ACTR3C: variants seen among roughly 807,000 people sequenced by gnomAD.
The protein encoded by ACTR3C is actin related protein 3C.
Under a neutral mutation model 26.3 loss-of-function variants are expected in ACTR3C, and 18 were observed. That is an observed-to-expected ratio of 0.68 (90% CI 0.47 to 1.01). ACTR3C has a LOEUF of 1.01. ACTR3C is among the 50% of genes least tolerant of loss of function. The probability of loss-of-function intolerance (pLI) is 0.00; values close to 1 mark genes in which losing one functional copy is unlikely to be tolerated. For missense variants in ACTR3C, 184 were observed against 250.7 expected (o/e 0.73, Z 1.80); for synonymous variants, 55 against 94.5 (o/e 0.58, Z 2.42).
rs555140982 is a variant in ACTR3C, at chr7:150,314,079, G to T, written c.-52+9390C>A. Among the ~76,000 whole-genome samples the T allele has an allele frequency of 7.2e-5, 11 of 152,292 alleles. No homozygotes were observed. In the South Asian group the frequency reaches 1.7e-3, roughly 23 times the overall value. ...GCTTCTGCATCTAGTCTAGTCCCCA[G>T]GTCACTCATGCTAAGCTGTGGTGGT... On this transcript the variant is annotated intron_variant, in intron 1 of 7. Transcript: ENST00000683684.
At chr7:150,239,532 C>CTATA (rs1339201217), downstream of ACTR3C, among the ~76,000 whole-genome samples, 132 of 121,142 alleles carry the variant, frequency 1.1e-3, 2 homozygotes, top group Middle Eastern at 3.9e-3. Flanking sequence ...CTCTCTCTCT[C>CTATA]TCTCTCTCTA....
the ACTR3C span, among the ~76,000 whole-genome samples, chr7:149,937,699 G>A: frequency 6.6e-6 from 1 of 152,174 alleles, no homozygotes; most frequent in Non-Finnish European, 1.5e-5. Context: ...GAGGCCAAGA[G>A]AGGTGTCAGG....
chr7:150,152,308 C>T, the ACTR3C span, among the ~76,000 whole-genome samples: 5,563 of 151,952 alleles, frequency 0.037, 265 homozygotes, highest in East Asian at 0.19. Context: ...TTTTGAGATA[C>T]GTCCCATCAA....
the ACTR3C span, among the ~76,000 whole-genome samples, chr7:149,934,880 ACCT>A: frequency 4.9e-5 from 3 of 61,434 alleles, no homozygotes; most frequent in Non-Finnish European, 9.9e-5. Context: ...ATTAAATAAA[ACCT>A]TCTTTAGAAT....
At chr7:149,991,389 G>T in the ACTR3C span, among the ~76,000 whole-genome samples, 4 of 152,178 alleles carry the variant, frequency 2.6e-5, no homozygotes, top group African/African-American at 7.2e-5. Flanking sequence ...ACCTCAAACT[G>T]GGCTGTGGTG....
At chr7:150,232,831 T>A in the ACTR3C span, among the ~76,000 whole-genome samples, 2 of 151,130 alleles carry the variant, frequency 1.3e-5, no homozygotes, top group African/African-American at 4.9e-5. Context: ...TCAAAAAAAA[T>A]ATAAAAATAA....
the ACTR3C span, among the ~76,000 whole-genome samples, chr7:150,174,358 C>T: frequency 7.2e-6 from 1 of 138,148 alleles, no homozygotes; most frequent in African/African-American, 3.4e-5. Flanking sequence ...CCCATCAGAT[C>T]TTGTGAGACT....
the ACTR3C span, among the ~76,000 whole-genome samples, chr7:149,928,767 C>A: frequency 6.6e-6 from 1 of 151,246 alleles, no homozygotes; most frequent in South Asian, 2.1e-4. Context: ...CGCTTGAACC[C>A]GGGAGGCAGA....
the ACTR3C span, among the ~76,000 whole-genome samples, chr7:149,962,579 C>G: frequency 6.6e-6 from 1 of 152,062 alleles, no homozygotes; most frequent in Non-Finnish European, 1.5e-5. Context: ...GGCTGATGCT[C>G]TCCCGACTCC....
At chr7:149,883,918 T>C in the ACTR3C span, among the ~76,000 whole-genome samples, 44,006 of 151,982 alleles carry the variant, frequency 0.29, 6,425 homozygotes, top group Non-Finnish European at 0.31. Flanking sequence ...CTTCCCGAAC[T>C]GTTTCGTACC....
the ACTR3C span, among the ~76,000 whole-genome samples, chr7:149,983,723 C>G: frequency 6.6e-6 from 1 of 151,844 alleles, no homozygotes; most frequent in Non-Finnish European, 1.5e-5. Context: ...TGGAAACCAT[C>G]TAAATGCTCA....
the ACTR3C span, among the ~76,000 whole-genome samples, chr7:149,898,554 A>C: frequency 6.6e-6 from 1 of 151,954 alleles, no homozygotes; most frequent in Admixed American, 6.6e-5. Flanking sequence ...AAATACAAAA[A>C]TTAGCTGGGC....
the ACTR3C span, among the ~76,000 whole-genome samples, chr7:150,209,401 C>T: frequency 6.6e-6 from 1 of 151,200 alleles, no homozygotes; most frequent in East Asian, 1.9e-4. Flanking sequence ...AAAGGATAAA[C>T]TCATAGATAC....
chr7:150,185,941 A>T, the ACTR3C span, among the ~76,000 whole-genome samples: 1 of 152,192 alleles, frequency 6.6e-6, no homozygotes, highest in Non-Finnish European at 1.5e-5. Flanking sequence ...TGCTCTGCAT[A>T]ACAACTTCCC....
intron 1 of ACTR3C, among the ~76,000 whole-genome samples, chr7:150,302,568 T>C (rs1795510592): frequency 6.6e-6 from 1 of 151,878 alleles, no homozygotes; most frequent in Admixed American, 6.6e-5. Flanking sequence ...AGGAGTATAA[T>C]ATTGGGTGTA....
At chr7:150,130,949 G>A in the ACTR3C span, among the ~76,000 whole-genome samples, 2 of 152,328 alleles carry the variant, frequency 1.3e-5, no homozygotes, top group East Asian at 3.9e-4. Context: ...GTGTTAGAAA[G>A]CAGAGCACTG....
At chr7:149,961,569 C>T in the ACTR3C span, among the ~76,000 whole-genome samples, 1 of 151,516 alleles carries the variant, frequency 6.6e-6, no homozygotes, top group Non-Finnish European at 1.5e-5. Context: ...TATGGGCTTA[C>T]AGGAAGTGCA....
At chr7:150,094,178 T>C in the ACTR3C span, among the ~76,000 whole-genome samples, 3 of 150,566 alleles carry the variant, frequency 2.0e-5, no homozygotes, top group South Asian at 4.2e-4. Flanking sequence ...TTGAGCCCTT[T>C]TTGTGATTTC....
At chr7:150,241,531 T>C (rs1832175924), downstream of ACTR3C, among the ~76,000 whole-genome samples, 1 of 152,152 alleles carries the variant, frequency 6.6e-6, no homozygotes, top group Non-Finnish European at 1.5e-5. Context: ...ATCATGGGCT[T>C]AAACAAAACC....
Sources: gnomAD v4.1 joint callset for allele counts (sites outside exome capture counted in the v4.1 genomes callset) on GRCh38, gnomAD v4.1.1 for gene constraint, MANE v1.5 for transcripts, NCBI Gene and HGNC (gene_info 2026-07-23, HGNC 2026-07-21) for gene names.